SCAPER: variants seen among roughly 807,000 people sequenced by gnomAD.
SCAPER encodes S phase cyclin A-associated protein in the endoplasmic reticulum.
A neutral mutation model predicts 182.2 loss-of-function variants in SCAPER; 98 were observed. The ratio of observed to expected loss-of-function variants is 0.54; its 90% CI spans 0.46 to 0.64. SCAPER has a LOEUF of 0.64. Among genes scored for constraint, SCAPER ranks in the 30% least tolerant of loss-of-function variants. The pLI, the probability that SCAPER is intolerant of heterozygous loss-of-function variation, is 0.00. For missense variants in SCAPER, 1,432 were observed against 1,690.0 expected, an observed-to-expected ratio of 0.85 and a Z score of 2.68; for synonymous variants, 605 against 564.6, an observed-to-expected ratio of 1.07 and a Z score of -1.01.
chr15:76,821,935 C>G (rs569004986), intron 5 of SCAPER, among the ~76,000 whole-genome samples: 7 of 151,582 alleles, frequency 4.6e-5, no homozygotes, highest in Non-Finnish European at 8.8e-5. Context: ...TCCAACTATA[C>G]AACATTCTGA....
chr15:76,787,798 G>A (rs1054936550), intron 8 of SCAPER, among the ~76,000 whole-genome samples: 5 of 151,872 alleles, frequency 3.3e-5, no homozygotes, highest in Non-Finnish European at 5.9e-5. Context: ...AGAATCTATG[G>A]GTAGACAATG....
chr15:76,655,963 A>G (rs957430061), intron 21 of SCAPER, among the ~76,000 whole-genome samples: 2 of 152,344 alleles, frequency 1.3e-5, no homozygotes, highest in Middle Eastern at 3.4e-3. Context: ...AAGACACTTA[A>G]GTATGTAGGC....
chr15:76,486,264 G>A (rs2051641183), intron 24 of SCAPER, among the ~76,000 whole-genome samples: 1 of 151,952 alleles, frequency 6.6e-6, no homozygotes, highest in African/African-American at 2.4e-5. Flanking sequence ...AAAGAACTCT[G>A]GAAGACAACC....
At chr15:76,681,428 A>G (rs1271552196) in intron 20 of SCAPER, among the ~76,000 whole-genome samples, 1 of 152,248 alleles carries the variant, frequency 6.6e-6, no homozygotes, top group African/African-American at 2.4e-5. Context: ...ATCTAAGACC[A>G]AAGGGGATAC....
intron 2 of SCAPER, among the ~76,000 whole-genome samples, chr15:76,875,921 G>A (rs976775624): frequency 3.4e-4 from 51 of 151,916 alleles, no homozygotes; most frequent in Non-Finnish European, 4.4e-5. Flanking sequence ...ACCCCACGGT[G>A]GGGGGCGGGG....
chr15:76,497,109 C>CTTTTTTTTTTTT (rs57202860), intron 24 of SCAPER, among the ~76,000 whole-genome samples: 21,669 of 86,046 alleles, frequency 0.25, 3,657 homozygotes, highest in East Asian at 0.47. Context: ...TTGGTCTCCT[C>CTTTTTTTTTTTT]TTTTTTTTTT....
chr15:76,804,751 A>C lies in SCAPER; in HGVS notation c.394-118T>G, dbSNP rs1462919436. 9.6e-6 allele frequency: 5 copies of C among 519,850 alleles called. No individual in the cohort carries two copies. The Admixed American group carries it at 1.9e-4, about 20-fold the overall frequency. The allele number at this position is 519,850 out of a possible 1,614,324, so 32.2% of individuals were successfully genotyped here. A position where few individuals can be genotyped will look rare whatever the true frequency, so the allele number is the denominator to read the frequency against. Reference sequence around the variant, plus strand: ...TTTTACATTATACTCTTCAATGAAAAAGCTGCGTAAGTTACAGATTTTTTT... The same window carrying C: ...TTTTACATTATACTCTTCAATGAAACAGCTGCGTAAGTTACAGATTTTTTT... On this transcript the variant is annotated intron_variant, in intron 5 of 31. Transcript: ENST00000563290.
At chr15:76,881,122 G>A (rs1344910329) in intron 2 of SCAPER, among the ~76,000 whole-genome samples, 1 of 152,178 alleles carries the variant, frequency 6.6e-6, no homozygotes, top group African/African-American at 2.4e-5. Context: ...TGGAGACAGA[G>A]TCTTGCTCTG....
At position 76,878,417 on chromosome 15, in the gene SCAPER, G is replaced by T. The variant is rs192398444; in HGVS notation, c.6+5395C>A. Reference sequence around the variant, plus strand: ...AAATGATACAGGGGAGTATTTTCATGATTTTCAGGTAGAAAGAAATAATTA... The same window carrying T: ...AAATGATACAGGGGAGTATTTTCATTATTTTCAGGTAGAAAGAAATAATTA... On this transcript the variant is annotated intron_variant, in intron 2 of 31. Transcript: ENST00000563290. Among the ~76,000 whole-genome samples the T allele has an allele frequency of 3.4e-3, 472 of 138,012 alleles. 3 individuals are homozygous for T. The highest frequency in any genetic ancestry group is 0.011 in the African/African-American group (459 of 40,340). The allele number at this position is 138,012 out of a possible 152,430, so 90.5% of individuals were successfully genotyped here.
chr15:76,787,947 C>T (rs1011632532), intron 8 of SCAPER, among the ~76,000 whole-genome samples: 1 of 152,068 alleles, frequency 6.6e-6, no homozygotes, highest in Admixed American at 6.5e-5. Flanking sequence ...CAACACAACA[C>T]GAGTGTCTAG....
chr15:76,732,099 T>C (rs1262758986), intron 16 of SCAPER, among the ~76,000 whole-genome samples: 3 of 152,030 alleles, frequency 2.0e-5, no homozygotes, highest in Non-Finnish European at 4.4e-5. Context: ...TTTTAGAAAA[T>C]AGACTTTATG....
intron 20 of SCAPER, among the ~76,000 whole-genome samples, chr15:76,685,955 AAC>A (rs1168764906): frequency 2.0e-5 from 3 of 152,238 alleles, no homozygotes; most frequent in Admixed American, 2.0e-4. Flanking sequence ...AAATGTCAAA[AAC>A]AAAACTTCAA....
intron 8 of SCAPER, among the ~76,000 whole-genome samples, chr15:76,783,279 C>T (rs2064305091): frequency 6.6e-6 from 1 of 152,138 alleles, no homozygotes; most frequent in Non-Finnish European, 1.5e-5. Context: ...ACTAGAAAAT[C>T]TAGAAGAAAT....
intron 17 of SCAPER, among the ~76,000 whole-genome samples, chr15:76,720,642 C>G (rs1049982287): frequency 2.0e-5 from 3 of 152,150 alleles, no homozygotes; most frequent in African/African-American, 7.2e-5. Context: ...GAGATGGTAT[C>G]TCATTGTGGT....
chr15:76,758,130 CTG>C (rs1420090872), intron 14 of SCAPER, among the ~76,000 whole-genome samples: 7 of 151,576 alleles, frequency 4.6e-5, no homozygotes, highest in Middle Eastern at 3.4e-3. Context: ...CTTTTGTTGA[CTG>C]TGTTTTTCTG....
At chr15:76,488,748 C>T (rs925439580) in intron 24 of SCAPER, among the ~76,000 whole-genome samples, 1 of 53,734 alleles carries the variant, frequency 1.9e-5, no homozygotes, top group Non-Finnish European at 3.3e-5. Flanking sequence ...TTTTTTGAGA[C>T]GGAGTCTCTC....
chr15:76,593,312 C>A (rs2049265656), intron 22 of SCAPER, among the ~76,000 whole-genome samples: 1 of 121,472 alleles, frequency 8.2e-6, no homozygotes, highest in Admixed American at 9.3e-5. Context: ...AGAAAGGCAG[C>A]AGCCCCAGTC....
intron 15 of SCAPER, among the ~76,000 whole-genome samples, chr15:76,747,060 TG>T: frequency 6.6e-6 from 1 of 152,182 alleles, no homozygotes; most frequent in East Asian, 1.9e-4. Context: ...TCATGTTTGG[TG>T]GGGACAGGGA....
At chr15:76,557,236 T>C (rs80139133) in intron 23 of SCAPER, among the ~76,000 whole-genome samples, 3 of 151,870 alleles carry the variant, frequency 2.0e-5, no homozygotes, top group Non-Finnish European at 4.4e-5. Flanking sequence ...GCCATTCTTC[T>C]CAGAATTAAA....
Sources: gnomAD v4.1 joint callset for allele counts (sites outside exome capture counted in the v4.1 genomes callset) on GRCh38, gnomAD v4.1.1 for gene constraint, MANE v1.5 for transcripts, NCBI Gene and HGNC (gene_info 2026-07-23, HGNC 2026-07-21) for gene names.